DPP10: variants seen among roughly 807,000 people sequenced by gnomAD.
DPP10 encodes the protein inactive dipeptidyl peptidase 10.
DPP10 carries 33 observed loss-of-function variants against 120.9 expected under a neutral mutation model. The observed-to-expected ratio is 0.27, with a 90% confidence interval of 0.21 to 0.37. DPP10 has a LOEUF of 0.37. Among genes scored for constraint, DPP10 ranks in the 10% least tolerant of loss-of-function variants. The pLI, the probability that DPP10 is intolerant of heterozygous loss-of-function variation, is 1.00. For synonymous variants in DPP10, 337 were observed against 326.1 expected (o/e 1.03, Z -0.36); for missense variants, 816 against 942.8 (o/e 0.87, Z 1.76).
intron 5 of DPP10, among the ~76,000 whole-genome samples, chr2:115,528,882 G>C (rs1305595351): frequency 6.7e-6 from 1 of 149,970 alleles, no homozygotes; most frequent in East Asian, 2.0e-4. Flanking sequence ...AGCTTTTTTT[G>C]TTTTATGGGA....
At chr2:115,507,793 G>A (rs1435770616) in intron 4 of DPP10, among the ~76,000 whole-genome samples, 1 of 152,100 alleles carries the variant, frequency 6.6e-6, no homozygotes, top group Non-Finnish European at 1.5e-5. Context: ...GCATTTTCTA[G>A]GGATATTAAA....
At chr2:115,159,971 C>T (rs1444200305) in intron 1 of DPP10, among the ~76,000 whole-genome samples, 1 of 152,040 alleles carries the variant, frequency 6.6e-6, no homozygotes, top group Non-Finnish European at 1.5e-5. Context: ...AATGGAAACA[C>T]AATGAAAGGA....
At chr2:115,420,399 C>G (rs1006681400) in intron 3 of DPP10, among the ~76,000 whole-genome samples, 1 of 152,092 alleles carries the variant, frequency 6.6e-6, no homozygotes, top group Non-Finnish European at 1.5e-5. Flanking sequence ...ATCAATTTAT[C>G]CATTATGGAT....
chr2:115,006,915 A>AT (rs1275271334), intron 1 of DPP10, among the ~76,000 whole-genome samples: 5 of 152,000 alleles, frequency 3.3e-5, no homozygotes, highest in Non-Finnish European at 7.4e-5. Flanking sequence ...CAGAATATAC[A>AT]TTTTTTTCAG....
At chr2:114,505,705 C>T (rs13428637) in intron 1 of DPP10, among the ~76,000 whole-genome samples, 1,964 of 152,222 alleles carry the variant, frequency 0.013, 47 homozygotes, top group African/African-American at 0.044. Context: ...GAAGTCACTC[C>T]GCTGGGACAC....
chr2:115,526,072 C>G lies in DPP10; in HGVS notation c.441+100C>G, dbSNP rs1312463910. Reference sequence around the variant, plus strand: ...TATAACTCACCTAAGCAAAATCTGGCATGTCTAGTAACTACCGGAGGACAG... The same window carrying G: ...TATAACTCACCTAAGCAAAATCTGGGATGTCTAGTAACTACCGGAGGACAG... On this transcript the variant is annotated intron_variant, in intron 5 of 25. Transcript: ENST00000410059. 3 of 886,078 alleles carry G rather than the reference C, an allele frequency of 3.4e-6. No homozygotes were observed. The African/African-American group carries it at 5.1e-5, about 15-fold the overall frequency. The allele number at this position is 886,078 out of a possible 1,614,324, so 54.9% of individuals were successfully genotyped here.
intron 1 of DPP10, among the ~76,000 whole-genome samples, chr2:115,154,430 A>G (rs1377580753): frequency 6.6e-6 from 1 of 152,136 alleles, no homozygotes; most frequent in Non-Finnish European, 1.5e-5. Flanking sequence ...CTCATATCCA[A>G]CATCAGTAGA....
intron 1 of DPP10, among the ~76,000 whole-genome samples, chr2:114,617,090 C>T (rs1436522887): frequency 6.6e-6 from 1 of 152,060 alleles, no homozygotes; most frequent in Admixed American, 6.6e-5. Context: ...TGACTGGTTA[C>T]TTCAACAAGT....
intron 1 of DPP10, among the ~76,000 whole-genome samples, chr2:115,138,953 C>T (rs2050783083): frequency 6.6e-6 from 1 of 151,982 alleles, no homozygotes; most frequent in South Asian, 2.1e-4. Flanking sequence ...TCAATAACTT[C>T]CAGGCAGTAA....
intron 1 of DPP10, among the ~76,000 whole-genome samples, chr2:114,773,202 G>A (rs926880152): frequency 1.3e-5 from 2 of 152,190 alleles, no homozygotes; most frequent in Non-Finnish European, 2.9e-5. Context: ...ATTTGCCAGT[G>A]ATTGGTAGTG....
chr2:115,543,978 A>T (rs916637049), intron 5 of DPP10, among the ~76,000 whole-genome samples: 10 of 151,966 alleles, frequency 6.6e-5, no homozygotes, highest in African/African-American at 2.4e-4. Context: ...GGGACAAAAA[A>T]TTAATTACCT....
chr2:115,149,537 G>A lies in DPP10; in HGVS notation c.61-159702G>A, dbSNP rs976199279. On this transcript the variant is annotated intron_variant, in intron 1 of 25. Transcript: ENST00000410059. ...CTATTTTTTCCTTCTTCATCCAGGTGGAGGCTTTTCAAGGTTAACTTTTGA... is the reference window on the plus strand; with the variant it reads ...CTATTTTTTCCTTCTTCATCCAGGTAGAGGCTTTTCAAGGTTAACTTTTGA... Among the ~76,000 whole-genome samples the A allele has an allele frequency of 3.9e-5, 6 of 152,248 alleles. No individual in the cohort carries two copies. The East Asian group carries it at 1.2e-3, about 29-fold the overall frequency.
At chr2:115,132,520 T>C (rs1285161693) in intron 1 of DPP10, among the ~76,000 whole-genome samples, 1 of 152,212 alleles carries the variant, frequency 6.6e-6, no homozygotes, top group Admixed American at 6.5e-5. Context: ...ATTTCTGTCA[T>C]GTGATGTTAT....
chr2:114,879,125 A>T (rs1456787248), intron 1 of DPP10, among the ~76,000 whole-genome samples: 3 of 151,246 alleles, frequency 2.0e-5, no homozygotes, highest in Non-Finnish European at 4.4e-5. Flanking sequence ...ATGACTTCAC[A>T]GGTAAATTCT....
intron 1 of DPP10, chr2:115,162,138 C>T (rs1311648326): frequency 2.0e-6 from 3 of 1,531,894 alleles, no homozygotes; most frequent in Non-Finnish European, 2.6e-6. Flanking sequence ...TCTTCTCACC[C>T]TCCCCCGCCC....
chr2:114,987,802 G>GTTTTT (rs1434384449), intron 1 of DPP10, among the ~76,000 whole-genome samples: 2 of 8,254 alleles, frequency 2.4e-4, no homozygotes, highest in Non-Finnish European at 4.9e-4. Flanking sequence ...TGTGGAGACT[G>GTTTTT]TCTTTTTTTT....
chr2:114,961,448 C>CGTGTGTGTGTGT (rs74265866), intron 1 of DPP10, among the ~76,000 whole-genome samples: 1 of 150,260 alleles, frequency 6.7e-6, no homozygotes, highest in African/African-American at 2.4e-5. Context: ...TGTTTGAATG[C>CGTGTGTGTGTGT]GTGTGTGTGT....
intron 1 of DPP10, among the ~76,000 whole-genome samples, chr2:115,229,790 T>G (rs966187610): frequency 4.6e-5 from 7 of 151,808 alleles, no homozygotes; most frequent in African/African-American, 1.7e-4. Flanking sequence ...AGCATGTTGT[T>G]TGTTCACTAT....
intron 5 of DPP10, among the ~76,000 whole-genome samples, chr2:115,550,165 G>A (rs936714595): frequency 3.9e-5 from 6 of 152,050 alleles, no homozygotes; most frequent in South Asian, 4.1e-4. Context: ...AATCCACTAC[G>A]GTCAGTAATG....
Sources: gnomAD v4.1 joint callset for allele counts (sites outside exome capture counted in the v4.1 genomes callset) on GRCh38, gnomAD v4.1.1 for gene constraint, MANE v1.5 for transcripts, NCBI Gene and HGNC (gene_info 2026-07-23, HGNC 2026-07-21) for gene names.